The following STIM2 variants were observed in gnomAD, a reference collection of about 807,000 sequenced individuals.
STIM2 encodes stromal interaction molecule 2.
In STIM2, 31 loss-of-function variants were observed where a neutral mutation model predicts 85.8. The observed-to-expected ratio is 0.36, with a 90% CI of 0.27 to 0.49. The LOEUF (loss-of-function observed/expected upper bound fraction) is 0.49, where lower values mean the gene tolerates loss of function less well. STIM2 is among the 20% of genes least tolerant of loss of function. The pLI is 0.98. For missense variants in STIM2, 841 were observed against 927.6 expected (o/e 0.91, Z 1.21); for synonymous variants, 356 against 331.1 (o/e 1.08, Z -0.82).
intron 1 of STIM2, among the ~76,000 whole-genome samples, chr4:26,896,641 C>G (rs943893627): frequency 6.6e-6 from 1 of 152,128 alleles, no homozygotes; most frequent in Non-Finnish European, 1.5e-5. Context: ...TGGAAGTTTT[C>G]CCCAGATGTG....
chr4:26,883,229 G>C (rs1723094880), intron 1 of STIM2, among the ~76,000 whole-genome samples: 1 of 145,302 alleles, frequency 6.9e-6, no homozygotes. Context: ...GGTTGGGAGG[G>C]AAACAGTGTG....
intron 3 of STIM2, among the ~76,000 whole-genome samples, chr4:26,983,250 CT>C (rs1230443808): frequency 3.3e-5 from 5 of 152,176 alleles, no homozygotes; most frequent in Non-Finnish European, 7.3e-5. Flanking sequence ...CACATTTTGC[CT>C]TTCTCATATG....
At chr4:26,889,772 A>G (rs1213259585) in intron 1 of STIM2, among the ~76,000 whole-genome samples, 4 of 152,134 alleles carry the variant, frequency 2.6e-5, no homozygotes, top group Admixed American at 6.5e-5. Flanking sequence ...CTAGGGAAAA[A>G]AGCTGGCTGG....
chr4:26,946,094 G>A (rs147866351), intron 2 of STIM2, among the ~76,000 whole-genome samples: 4 of 152,278 alleles, frequency 2.6e-5, no homozygotes, highest in Non-Finnish European at 4.4e-5. Context: ...AAACAGAACT[G>A]TGTATGTTTA....
intron 1 of STIM2, among the ~76,000 whole-genome samples, chr4:26,895,475 G>A (rs1723665509): frequency 6.6e-6 from 1 of 152,106 alleles, no homozygotes; most frequent in Non-Finnish European, 1.5e-5. Flanking sequence ...TTGCATGTTA[G>A]GAAGCATGAA....
intron 2 of STIM2, among the ~76,000 whole-genome samples, chr4:26,944,021 A>G (rs1368213328): frequency 6.6e-6 from 1 of 152,162 alleles, no homozygotes; most frequent in Non-Finnish European, 1.5e-5. Context: ...GATAGTTCCT[A>G]ACTGTATGGT....
intron 3 of STIM2, among the ~76,000 whole-genome samples, chr4:26,983,902 C>T (rs911052552): frequency 2.0e-5 from 3 of 152,102 alleles, no homozygotes; most frequent in African/African-American, 7.2e-5. Context: ...TGAAGGAATT[C>T]CAAGTTGCCT....
At chr4:26,981,343 A>C (rs1270529499) in intron 3 of STIM2, among the ~76,000 whole-genome samples, 1 of 152,250 alleles carries the variant, frequency 6.6e-6, no homozygotes, top group Non-Finnish European at 1.5e-5. Context: ...TAATATTGTT[A>C]AAAGGCTACC....
chr4:26,989,080 A>G (rs566361633), intron 3 of STIM2, among the ~76,000 whole-genome samples: 1 of 152,170 alleles, frequency 6.6e-6, no homozygotes, highest in African/African-American at 2.4e-5. Context: ...GATTACAGGT[A>G]TTTACCACTA....
chr4:27,007,809 A>AT, intron 8 of STIM2, 109 bp downstream of exon 8: 1 of 1,234,398 alleles, frequency 8.1e-7, no homozygotes, highest in Non-Finnish European at 1.1e-6. Context: ...ATTATTACAG[A>AT]TTCTTTTTTC....
chr4:26,885,857 A>ATATATATATG (rs1723214780), intron 1 of STIM2, among the ~76,000 whole-genome samples: 1 of 67,814 alleles, frequency 1.5e-5, no homozygotes, highest in East Asian at 4.5e-4. Flanking sequence ...ATATATATAT[A>ATATATATATG]TATATATATA....
chr4:26,873,462 T>C (rs1344723132), intron 1 of STIM2: 4 of 259,510 alleles, frequency 1.5e-5, no homozygotes, highest in East Asian at 2.0e-4. Flanking sequence ...AACTAAATCA[T>C]TGTGGCTAGA....
chr4:26,950,386 C>T (rs1403895125), intron 2 of STIM2, among the ~76,000 whole-genome samples: 1 of 152,128 alleles, frequency 6.6e-6, no homozygotes, highest in Non-Finnish European at 1.5e-5. Flanking sequence ...CTCTCTTGAA[C>T]CATAAATTCA....
chr4:26,896,514 AT>A (rs1381383596), intron 1 of STIM2, among the ~76,000 whole-genome samples: 1 of 152,218 alleles, frequency 6.6e-6, no homozygotes, highest in Non-Finnish European at 1.5e-5. Flanking sequence ...ATATGAGATG[AT>A]GCCTTGACTC....
chr4:26,948,988 G>A (rs1379684633), intron 2 of STIM2, among the ~76,000 whole-genome samples: 5 of 152,072 alleles, frequency 3.3e-5, no homozygotes, highest in Non-Finnish European at 7.4e-5. Flanking sequence ...ACACCCTAGT[G>A]AATTGACACA....
At chr4:26,919,749 C>T (rs1724728010) in intron 2 of STIM2, 115 bp downstream of exon 2, 1 of 1,252,966 alleles carries the variant, frequency 8.0e-7, no homozygotes, top group Non-Finnish European at 1.1e-6. Flanking sequence ...TCTTCAACAT[C>T]TTTAATTTTT....
At position 26,919,582 on chromosome 4, in the gene STIM2, A is replaced by G. The variant is rs2109065610; in HGVS notation, c.230A>G (p.Lys77Arg). 2 of 1,613,720 alleles carry G rather than the reference A, an allele frequency of 1.2e-6. No individual in the cohort carries two copies. The highest frequency in any genetic ancestry group is 1.7e-6 in the Non-Finnish European group (2 of 1,179,736). ...CTGGAAGCTCTTCAAACAATACATA[A>G]ACAAATGGATGATGACAAAGATGGT... is the stretch of plus-strand genomic sequence containing the variant. Residue 77 changes from lysine (K) to arginine (R), a missense_variant, in exon 2 of 12, where the codon AAA becomes AGA. By Grantham distance (26) the Lys-to-Arg change is conservative. Around this residue, in one of 3 missense-constraint regions of STIM2, gnomAD observed 140 missense variants for 117.7 expected, o/e 1.19. Transcript: ENST00000467087.
intron 1 of STIM2, among the ~76,000 whole-genome samples, chr4:26,912,201 A>G (rs946946884): frequency 1.2e-4 from 18 of 152,188 alleles, no homozygotes; most frequent in African/African-American, 4.3e-4. Context: ...AGAAAATCCT[A>G]ATCATGAGAT....
intron 2 of STIM2, among the ~76,000 whole-genome samples, chr4:26,956,012 A>G (rs2109092239): frequency 6.6e-6 from 1 of 152,284 alleles, no homozygotes; most frequent in South Asian, 2.1e-4. Context: ...CTCAGGCAGA[A>G]TTTGGTGTTT....
Sources: allele counts gnomAD v4.1 joint callset (sites outside exome capture counted in the v4.1 genomes callset), GRCh38; gene constraint gnomAD v4.1.1; regional missense constraint gnomAD v4.1.1; transcripts MANE v1.5; gene names NCBI Gene and HGNC (gene_info 2026-07-23, HGNC 2026-07-21).